The following CAST variants were observed in gnomAD, a reference collection of about 807,000 sequenced individuals.
The protein encoded by CAST is calpastatin.
A neutral mutation model predicts 119.6 loss-of-function variants in CAST; 76 were observed. The observed-to-expected ratio is 0.64, with a 90% CI of 0.53 to 0.77. CAST has a LOEUF of 0.77. CAST is among the 30% of genes least tolerant of loss of function. The probability of loss-of-function intolerance (pLI) is 0.00; values close to 1 mark genes in which losing one functional copy is unlikely to be tolerated. For synonymous variants in CAST, 319 were observed against 331.6 expected (o/e 0.96, Z 0.41); for missense variants, 953 against 946.5 (o/e 1.01, Z -0.09).
intron 1 of CAST, among the ~76,000 whole-genome samples, chr5:96,540,508 T>C (rs1286404275): frequency 2.0e-5 from 3 of 152,210 alleles, no homozygotes; most frequent in Non-Finnish European, 2.9e-5. Flanking sequence ...AGCTCTCATA[T>C]ATCCCCACAT....
chr5:96,194,204 C>T, the CAST span, among the ~76,000 whole-genome samples: 3 of 152,184 alleles, frequency 2.0e-5, no homozygotes, highest in African/African-American at 4.8e-5. Flanking sequence ...GTTATACATA[C>T]ATAGAAGAGA....
chr5:96,765,903 T>A, intron 26 of CAST, 150 bp from the exon 27 acceptor site: 2 of 526,896 alleles, frequency 3.8e-6, no homozygotes. Context: ...GTTGAAGTCA[T>A]CTGTGTTGTT....
the CAST span, among the ~76,000 whole-genome samples, chr5:96,226,976 C>G: frequency 6.6e-6 from 1 of 152,198 alleles, no homozygotes; most frequent in African/African-American, 2.4e-5. Flanking sequence ...TGAGTGTCCA[C>G]GGTTTCTAGC....
the CAST span, among the ~76,000 whole-genome samples, chr5:96,200,090 C>G: frequency 3.9e-5 from 6 of 152,128 alleles, no homozygotes; most frequent in African/African-American, 1.4e-4. Flanking sequence ...CGGCGCTGAA[C>G]ACCAGCTTTC....
the CAST span, among the ~76,000 whole-genome samples, chr5:96,349,176 CTG>C: frequency 1.5e-5 from 1 of 66,770 alleles, no homozygotes; most frequent in Non-Finnish European, 2.8e-5. Context: ...TCAGTATAAA[CTG>C]TTCCCTATCC....
chr5:96,722,786 T>C (rs1222845447), intron 4 of CAST, 88 bp downstream of exon 4: 1 of 921,880 alleles, frequency 1.1e-6, no homozygotes, highest in East Asian at 2.4e-5. Flanking sequence ...TGATGATGAG[T>C]TATATATGCT....
the CAST span, among the ~76,000 whole-genome samples, chr5:96,090,193 G>T: frequency 6.6e-6 from 1 of 152,116 alleles, no homozygotes; most frequent in Non-Finnish European, 1.5e-5. Flanking sequence ...ATGTTGGTGG[G>T]ATACGGGTCT....
At chr5:96,394,264 T>C in the CAST span, among the ~76,000 whole-genome samples, 2 of 152,174 alleles carry the variant, frequency 1.3e-5, no homozygotes, top group Non-Finnish European at 2.9e-5. Flanking sequence ...CACCATCTGA[T>C]AGAAGGAAGC....
At chr5:96,742,849 T>C in intron 16 of CAST, 93 bp downstream of exon 16, 1 of 864,732 alleles carries the variant, frequency 1.2e-6, no homozygotes. Context: ...GCACAACTTT[T>C]ATTGGAGAGT....
At chr5:96,228,529 AC>A in the CAST span, among the ~76,000 whole-genome samples, 4 of 134,018 alleles carry the variant, frequency 3.0e-5, no homozygotes, top group African/African-American at 5.3e-5. Flanking sequence ...TAAGTATGGT[AC>A]TGCAGTAAAT....
chr5:96,223,255 TAGAG>T, the CAST span, among the ~76,000 whole-genome samples: 1 of 152,070 alleles, frequency 6.6e-6, no homozygotes, highest in Admixed American at 6.6e-5. Context: ...TGTTTCAAAG[TAGAG>T]AGATGAGAGG....
intron 1 of CAST, among the ~76,000 whole-genome samples, chr5:96,591,065 C>G (rs1413317752): frequency 6.6e-6 from 1 of 152,176 alleles, no homozygotes; most frequent in African/African-American, 2.4e-5. Flanking sequence ...CACAGAAAAA[C>G]AGAAGCATAA....
At chr5:96,095,556 CAAAA>C in the CAST span, among the ~76,000 whole-genome samples, 247 of 57,502 alleles carry the variant, frequency 4.3e-3, no homozygotes, top group African/African-American at 0.013. Flanking sequence ...GACTCTGTTT[CAAAA>C]AAAAAAAAAA....
intron 2 of CAST, among the ~76,000 whole-genome samples, chr5:96,692,084 TA>T (rs1037679292): frequency 3.3e-5 from 5 of 152,174 alleles, no homozygotes; most frequent in African/African-American, 9.7e-5. Flanking sequence ...CAATATCATA[TA>T]AAAATGAGCT....
the CAST span, among the ~76,000 whole-genome samples, chr5:96,383,786 C>G: frequency 6.6e-6 from 1 of 152,070 alleles, no homozygotes; most frequent in Admixed American, 6.5e-5. Context: ...AGTGATGTGA[C>G]AAGATATGCA....
the CAST span, among the ~76,000 whole-genome samples, chr5:96,341,846 A>G: frequency 6.6e-6 from 1 of 152,162 alleles, no homozygotes; most frequent in African/African-American, 2.4e-5. Context: ...CTAAATGGAG[A>G]CTTTCTCTAG....
the CAST span, among the ~76,000 whole-genome samples, chr5:96,129,514 C>T: frequency 1.3e-5 from 2 of 152,102 alleles, no homozygotes; most frequent in Non-Finnish European, 2.9e-5. Context: ...TACAATAGGA[C>T]AGACACTTCT....
intron 4 of CAST, among the ~76,000 whole-genome samples, chr5:96,726,480 A>G (rs1463824936): frequency 6.6e-6 from 1 of 152,244 alleles, no homozygotes; most frequent in Non-Finnish European, 1.5e-5. Flanking sequence ...ATAACTAAAC[A>G]TTGGATACAT....
chr5:96,728,642 C>T (rs1279402886), intron 6 of CAST: 1 of 152,330 alleles, frequency 6.6e-6, no homozygotes, highest in Non-Finnish European at 1.5e-5. Flanking sequence ...AAGCCTGGCT[C>T]ATTTTTTTGT....
Sources: allele counts gnomAD v4.1 joint callset (sites outside exome capture counted in the v4.1 genomes callset), GRCh38; gene constraint gnomAD v4.1.1; transcripts MANE v1.5; gene names NCBI Gene and HGNC (gene_info 2026-07-23, HGNC 2026-07-21).